Variants in RFC1 observed in about 807,000 individuals in gnomAD.
RFC1 encodes replication factor C subunit 1, also known as A1 140 kDa subunit.
Under a neutral mutation model 137.4 loss-of-function variants are expected in RFC1, and 37 were observed. That is an observed-to-expected ratio of 0.27 (90% CI 0.21 to 0.35). The LOEUF (loss-of-function observed/expected upper bound fraction) is 0.35. Among genes scored for constraint, RFC1 ranks in the 10% least tolerant of loss-of-function variants. The probability of loss-of-function intolerance (pLI) is 1.00; values close to 1 mark genes in which losing one functional copy is unlikely to be tolerated. For synonymous variants in RFC1, 429 were observed against 455.7 expected (o/e 0.94, Z 0.75); for missense variants, 1,205 against 1,358.5 (o/e 0.89, Z 1.78).
intron 1 of RFC1, among the ~76,000 whole-genome samples, chr4:39,361,831 G>A (rs1433213323): frequency 6.6e-6 from 1 of 152,138 alleles, no homozygotes; most frequent in Non-Finnish European, 1.5e-5. Flanking sequence ...GGCTGATCAC[G>A]AGGTCAGGAG....
At chr4:39,299,051 C>T (rs964711366) in intron 21 of RFC1, among the ~76,000 whole-genome samples, 9 of 152,138 alleles carry the variant, frequency 5.9e-5, no homozygotes, top group East Asian at 1.9e-4. Flanking sequence ...GGAATGAGGG[C>T]AAGGAACACC....
chr4:39,318,759 T>C (rs955853415), intron 9 of RFC1, among the ~76,000 whole-genome samples: 2 of 152,222 alleles, frequency 1.3e-5, no homozygotes, highest in African/African-American at 4.8e-5. Context: ...AAAAGTTAAT[T>C]GCTCCTTTAA....
At chr4:39,329,943 G>A (rs1166728351) in intron 4 of RFC1, among the ~76,000 whole-genome samples, 3 of 152,030 alleles carry the variant, frequency 2.0e-5, no homozygotes, top group African/African-American at 7.2e-5. Context: ...GCTGAGGCAG[G>A]AGAATCACTT....
chr4:39,304,666 G>T, intron 15 of RFC1, 148 bp downstream of exon 15: 1 of 646,876 alleles, frequency 1.5e-6, no homozygotes, highest in South Asian at 1.8e-5. Context: ...CCATAAGAGT[G>T]ATGTCAGACG....
At position 39,287,690 on chromosome 4, in the gene RFC1, C is replaced by T. The variant is rs558456050; in HGVS notation, c.*1071G>A. 22 of 152,292 alleles carry T rather than the reference C, an allele frequency of 1.4e-4. No homozygotes were observed. The highest frequency in any genetic ancestry group is 2.9e-4 in the Non-Finnish European group (20 of 68,030). 9.4% of individuals were successfully genotyped at this position (152,292 alleles called of 1,614,324 possible). A position where few individuals can be genotyped will look rare whatever the true frequency, so the allele number is the denominator to read the frequency against. On this transcript the variant is annotated 3_prime_UTR_variant, in exon 25 of 25. Coordinates refer to ENST00000349703, the MANE Select transcript of RFC1 (RefSeq NM_002913.5). ...CCAACAAGATTAAAAAATAGCTAGACATCTAAATTCCAGGCTAGGTCCATA... is the reference window on the plus strand; with the variant it reads ...CCAACAAGATTAAAAAATAGCTAGATATCTAAATTCCAGGCTAGGTCCATA...
At position 39,302,487 on chromosome 4, in the gene RFC1, A is replaced by T; in HGVS notation, c.2436+13T>A. On this transcript the variant is annotated intron_variant, in intron 18 of 24. Transcript: ENST00000349703. ...ATAATCAACAACTGTTACATGATAT[A>T]TATTTAATTTACCTGTCTGATATCT... 2 of 1,544,160 alleles carry T rather than the reference A, an allele frequency of 1.3e-6. No individual in the cohort carries two copies. Among genetic ancestry groups the T allele is most frequent in the Non-Finnish European group, 1.8e-6 (2 of 1,117,440 alleles).
chr4:39,325,095 T>C (rs1739697837), intron 6 of RFC1, among the ~76,000 whole-genome samples: 1 of 152,176 alleles, frequency 6.6e-6, no homozygotes. Flanking sequence ...TCCTGAGACC[T>C]TTCTTTCTTT....
intron 1 of RFC1, 69 bp downstream of exon 1, chr4:39,366,170 G>T: frequency 1.3e-6 from 2 of 1,519,774 alleles, no homozygotes; most frequent in Non-Finnish European, 1.8e-6. Context: ...TACCAGGAGT[G>T]CCCGGTCCAC....
chr4:39,295,105 G>T (rs927894320), intron 22 of RFC1, among the ~76,000 whole-genome samples: 3 of 152,190 alleles, frequency 2.0e-5, no homozygotes, highest in Admixed American at 6.5e-5. Flanking sequence ...AAGTATTTTT[G>T]AACTTCCTTA....
At chr4:39,321,577 T>A in intron 7 of RFC1, 1 of 512,640 alleles carries the variant, frequency 2.0e-6, no homozygotes. Flanking sequence ...AGGAAACAGA[T>A]GAAAGGGTAT....
At chr4:39,306,487 A>AG in intron 14 of RFC1, 105 bp downstream of exon 14, 1 of 458,992 alleles carries the variant, frequency 2.2e-6, no homozygotes, top group East Asian at 3.7e-5. Context: ...ATATATAGAC[A>AG]CCACACACAC....
chr4:39,332,944 C>A (rs1740176388), intron 4 of RFC1, among the ~76,000 whole-genome samples: 1 of 152,116 alleles, frequency 6.6e-6, no homozygotes, highest in Non-Finnish European at 1.5e-5. Context: ...AGAGCAAGAC[C>A]CCATCTCTAC....
At chr4:39,347,032 G>A (rs1740893359) in intron 2 of RFC1, among the ~76,000 whole-genome samples, 1 of 152,178 alleles carries the variant, frequency 6.6e-6, no homozygotes, top group Non-Finnish European at 1.5e-5. Flanking sequence ...AGGAATAACA[G>A]GATCCAAAGT....
intron 2 of RFC1, among the ~76,000 whole-genome samples, chr4:39,351,015 C>T (rs981794983): frequency 4.6e-5 from 7 of 151,924 alleles, no homozygotes; most frequent in African/African-American, 1.7e-4. Context: ...CTTTGGGAGG[C>T]CAAGGCGGGC....
chr4:39,366,170 G>A, intron 1 of RFC1, 69 bp downstream of exon 1: 1 of 1,519,776 alleles, frequency 6.6e-7, no homozygotes, highest in Non-Finnish European at 8.9e-7. Context: ...TACCAGGAGT[G>A]CCCGGTCCAC....
At chr4:39,326,070 G>A (rs1266330817) in intron 6 of RFC1, among the ~76,000 whole-genome samples, 3 of 152,074 alleles carry the variant, frequency 2.0e-5, no homozygotes, top group Non-Finnish European at 2.9e-5. Context: ...CGTAGTGGTG[G>A]GCGCCTGTAG....
chr4:39,366,322 G>T lies in RFC1; in HGVS notation c.-81C>A. On this transcript the variant is annotated 5_prime_UTR_variant, in exon 1 of 25. Transcript: ENST00000349703. ...TGTTATCGAGGCTCAGGATCCATTCGCGCCAACAACTTCTCCCGCGAAGTG... is the reference window on the plus strand; with the variant it reads ...TGTTATCGAGGCTCAGGATCCATTCTCGCCAACAACTTCTCCCGCGAAGTG... 7.1e-7 allele frequency: 1 copy of T among 1,400,468 alleles called. No individual in the cohort carries two copies. The highest frequency in any genetic ancestry group is 1.4e-5 in the South Asian group (1 of 69,262). The allele number at this position is 1,400,468 out of a possible 1,614,324, so 86.8% of individuals were successfully genotyped here.
intron 4 of RFC1, 141 bp downstream of exon 4, chr4:39,342,204 G>A (rs2109730777): frequency 2.0e-6 from 2 of 985,736 alleles, no homozygotes; most frequent in South Asian, 1.9e-5. Flanking sequence ...GATGATCCCA[G>A]CCTTCCCTGA....
Position 39,290,013 on chromosome 4 carries a change from G to A in RFC1, c.3195C>T (p.Tyr1065=), listed in dbSNP as rs1233896388. 6.2e-7 allele frequency: 1 copy of A among 1,613,520 alleles called. No homozygotes were observed. Among genetic ancestry groups the A allele is most frequent in the Admixed American group, 1.7e-5 (1 of 59,982 alleles). ...ATGGAGTAAGGTGGGCTTCCTTATT[G>A]TAAGCTCTTGTGAAGGCTGCTTTCA... The part of the protein sequence containing the change: ...PKVKAAFTRA[Y]NKEAHLTPYS... Residue 1065 remains tyrosine (Y), a synonymous_variant, in exon 24 of 25, where the codon TAC becomes TAT. Coordinates refer to ENST00000349703, the MANE Select transcript of RFC1 (RefSeq NM_002913.5).
Sources: gnomAD v4.1 joint callset for allele counts (sites outside exome capture counted in the v4.1 genomes callset) on GRCh38, gnomAD v4.1.1 for gene constraint, MANE v1.5 for transcripts, NCBI Gene and HGNC (gene_info 2026-07-23, HGNC 2026-07-21) for gene names.